Variants in DYSF observed in about 807,000 individuals in gnomAD.
DYSF encodes the protein dystrophy-associated fer-1-like 1.
A neutral mutation model predicts 274.9 loss-of-function variants in DYSF; 212 were observed. The observed-to-expected ratio is 0.77, with a 90% CI of 0.69 to 0.86. The LOEUF is 0.86. Ranked by LOEUF, DYSF falls within the 40% of genes least tolerant of loss-of-function variation. The pLI is 0.00. For missense variants in DYSF, 2,666 were observed against 2,783.2 expected, an observed-to-expected ratio of 0.96 and a Z score of 0.95; for synonymous variants, 1,091 against 1,078.7, an observed-to-expected ratio of 1.01 and a Z score of -0.22.
At chr2:71,522,444 G>A (rs1199804747) in intron 12 of DYSF, among the ~76,000 whole-genome samples, 3 of 152,014 alleles carry the variant, frequency 2.0e-5, no homozygotes, top group Non-Finnish European at 4.4e-5. Flanking sequence ...TGGAGCCCAC[G>A]CCTTATTTGA....
chr2:71,542,279 GT>G (rs2089991911), intron 17 of DYSF, among the ~76,000 whole-genome samples: 1 of 151,956 alleles, frequency 6.6e-6, no homozygotes, highest in African/African-American at 2.4e-5. Context: ...GGCTTTCTAT[GT>G]TGCTAATCTG....
chr2:71,596,917 G>A (rs2093421808), intron 32 of DYSF, among the ~76,000 whole-genome samples: 4 of 152,126 alleles, frequency 2.6e-5, no homozygotes, highest in Admixed American at 2.6e-4. Context: ...TCAGCTCTTT[G>A]GGCAACAGGT....
chr2:71,489,160 C>G (rs966681352), intron 3 of DYSF, among the ~76,000 whole-genome samples: 15 of 152,260 alleles, frequency 9.9e-5, no homozygotes, highest in African/African-American at 3.1e-4. Context: ...ACGGGGGTCT[C>G]CCTAAATGTT....
chr2:71,666,579 G>A lies in DYSF; in HGVS notation c.5318-797G>A, dbSNP rs558800301. Among the ~76,000 whole-genome samples the A allele has an allele frequency of 5.9e-5, 9 of 152,358 alleles. No individual in the cohort carries two copies. The South Asian group carries it at 1.7e-3, about 28-fold the overall frequency. Reference sequence around the variant, plus strand: ...ACATAGTGGGCTCCAAGTTCATGTTGTTGGATGGTTGGCCAGGCTTCTCTG... The same window carrying A: ...ACATAGTGGGCTCCAAGTTCATGTTATTGGATGGTTGGCCAGGCTTCTCTG... On this transcript the variant is annotated intron_variant, in intron 47 of 55. Transcript: ENST00000410020.
intron 41 of DYSF, among the ~76,000 whole-genome samples, chr2:71,621,554 T>C (rs1047526700): frequency 3.3e-5 from 5 of 151,938 alleles, no homozygotes; most frequent in African/African-American, 1.2e-4. Flanking sequence ...ATTGGAATCA[T>C]ACTTTTTTAT....
chr2:71,526,418 T>TCG, intron 13 of DYSF, 72 bp downstream of exon 13: 1 of 261,506 alleles, frequency 3.8e-6, no homozygotes, highest in Non-Finnish European at 7.0e-6. Context: ...GGGTGGGCGA[T>TCG]GGCGGGCGGG....
Position 71,589,675 on chromosome 2 carries a change from G to C in DYSF, c.3485G>C (p.Cys1162Ser). Residue 1162 changes from cysteine (C) to serine (S), a missense_variant, in exon 31 of 56, where the codon TGC (cysteine) becomes TCC (serine). Physicochemically the swap from Cys to Ser is moderately radical, Grantham distance 112 (BLOSUM62 -1). This residue lies in a region of DYSF where 1,460 missense variants were observed against 1,502.1 expected (regional missense o/e 0.97). Transcript: ENST00000410020. ...GGTGTGAACAGACCCACGATTTCCT[G>C]CATATTCGACTGTAAGTGAGGCTTC... ...SFGVNRPTIS[C>S]IFDYGNRYHL... 6.2e-7 allele frequency: 1 copy of C among 1,614,064 alleles called. No individual in the cohort carries two copies. The highest frequency in any genetic ancestry group is 8.5e-7 in the Non-Finnish European group (1 of 1,179,932).
intron 43 of DYSF, among the ~76,000 whole-genome samples, chr2:71,658,616 A>G (rs548484580): frequency 1.3e-5 from 2 of 152,336 alleles, no homozygotes; most frequent in Non-Finnish European, 2.9e-5. Flanking sequence ...CAGTTCTTAC[A>G]TGGTAGTGGC....
At position 71,656,299 on chromosome 2, in the gene DYSF, T is replaced by C; in HGVS notation, c.4755+9T>C. 6.2e-7 allele frequency: 1 copy of C among 1,613,674 alleles called. No individual in the cohort carries two copies. The highest frequency in any genetic ancestry group is 8.5e-7 in the Non-Finnish European group (1 of 1,179,936). On this transcript the variant is annotated intron_variant, in intron 43 of 55. Coordinates refer to ENST00000410020, the MANE Select transcript of DYSF (RefSeq NM_001130987.2). ...TGATTGGTGAATTTAAGGTAAATCC[T>C]CGAAGACGTCCCTAACCCAGGTGGG...
chr2:71,589,174 G>A (rs907853399), intron 30 of DYSF, among the ~76,000 whole-genome samples: 3 of 152,150 alleles, frequency 2.0e-5, no homozygotes, highest in African/African-American at 7.2e-5. Context: ...GACCCAGCTC[G>A]ATGTTAGCAG....
chr2:71,475,609 G>A (rs186935580), intron 1 of DYSF, among the ~76,000 whole-genome samples: 1 of 152,146 alleles, frequency 6.6e-6, no homozygotes, highest in African/African-American at 2.4e-5. Context: ...CATCAGAGTG[G>A]GCACAGAGGG....
At chr2:71,493,851 C>CAAAAAAAAAAAAAAAAAAAAAAA (rs145288384) in intron 3 of DYSF, among the ~76,000 whole-genome samples, 6 of 69,304 alleles carry the variant, frequency 8.7e-5, no homozygotes, top group South Asian at 6.9e-4. Context: ...TACTCTGTCT[C>CAAAAAAAAAAAAAAAAAAAAAAA]AAAAAAAAAA....
chr2:71,477,659 A>G (rs946811250), intron 1 of DYSF, among the ~76,000 whole-genome samples: 1 of 152,254 alleles, frequency 6.6e-6, no homozygotes, highest in Non-Finnish European at 1.5e-5. Context: ...GACCAATGCA[A>G]CTGTTACAGA....
intron 13 of DYSF, 38 bp from the exon 14 acceptor site, chr2:71,528,260 C>G (rs772359307): frequency 4.5e-6 from 7 of 1,571,408 alleles, no homozygotes; most frequent in Admixed American, 1.7e-5. Flanking sequence ...AGAGGAGAGA[C>G]AGCAGGCAGG....
rs776646135 is a variant in DYSF, at chr2:71,643,883, C to T, written c.4528-82C>T. ...CTTGTGGTCCAGAGCGGCCTAGCAG[C>T]GGAGGGAGGGTTTCCAACTCTGAAG... On this transcript the variant is annotated intron_variant, in intron 41 of 55. Transcript: ENST00000410020. 67 of 1,107,594 alleles carry T rather than the reference C, an allele frequency of 6.0e-5. 1 individual carries two copies. In the Middle Eastern group the frequency reaches 1.0e-3, roughly 16 times the overall value. 68.6% of individuals were successfully genotyped at this position (1,107,594 alleles called of 1,614,324 possible). A position where few individuals can be genotyped will look rare whatever the true frequency, so the allele number is the denominator to read the frequency against.
Position 71,551,705 on chromosome 2 carries a change from C to G in DYSF, c.1791C>G (p.Asp597Glu), listed in dbSNP as rs773168782. The G allele has an allele frequency of 6.2e-7, 1 of 1,607,790 alleles. No homozygotes were observed. Residue 597 changes from aspartate to glutamate, a missense_variant, in exon 19 of 56, where the codon GAC (aspartate) becomes GAG (glutamate). Physicochemically the swap from Asp to Glu is conservative, Grantham distance 45 (BLOSUM62 2). Coordinates refer to ENST00000410020, the MANE Select transcript of DYSF (RefSeq NM_001130987.2). The stretch of plus-strand genomic sequence containing the variant: ...AGGTGGAGGACCTTCCTGCGGATGA[C>G]ATCCTCCGGGTGGAGGTGAGGGGTG... ...EQKVEDLPADDILRVEKYLRR... is the reference protein window; with the variant it reads ...EQKVEDLPADEILRVEKYLRR...
chr2:71,567,189 G>A (rs531534249), intron 24 of DYSF, among the ~76,000 whole-genome samples: 2 of 152,310 alleles, frequency 1.3e-5, no homozygotes, highest in South Asian at 4.1e-4. Context: ...GGGTTGTTGT[G>A]GTTATTCCAT....
At chr2:71,574,046 G>A in intron 29 of DYSF, 152 bp from the exon 30 acceptor site, 1 of 884,642 alleles carries the variant, frequency 1.1e-6, no homozygotes, top group East Asian at 2.5e-5. Context: ...CTCTCCTCTA[G>A]GTGGCCCTCC....
intron 17 of DYSF, among the ~76,000 whole-genome samples, chr2:71,540,509 C>T (rs1194693237): frequency 6.6e-6 from 1 of 152,062 alleles, no homozygotes; most frequent in Non-Finnish European, 1.5e-5. Flanking sequence ...GCTTATTTTG[C>T]TATACCCTCC....
Sources: allele counts gnomAD v4.1 joint callset (sites outside exome capture counted in the v4.1 genomes callset), GRCh38; gene constraint gnomAD v4.1.1; regional missense constraint gnomAD v4.1.1; transcripts MANE v1.5; gene names NCBI Gene and HGNC (gene_info 2026-07-23, HGNC 2026-07-21).